Variants in TEX11 observed in about 807,000 individuals in gnomAD.
TEX11 encodes testis expressed 11, also known as testis-expressed protein 11.
Under a neutral mutation model 84.4 loss-of-function variants are expected in TEX11, and 7 were observed. The observed-to-expected ratio is 0.08, with a 90% CI of 0.05 to 0.16. TEX11 has a LOEUF of 0.16. TEX11 is among the 10% of genes least tolerant of loss of function. The pLI is 1.00. For synonymous variants in TEX11, 264 were observed against 222.8 expected, an observed-to-expected ratio of 1.18 and a Z score of -1.64; for missense variants, 551 against 660.5, an observed-to-expected ratio of 0.83 and a Z score of 1.82.
chrX:70,843,506 T>C (rs2091460045), intron 7 of TEX11, among the ~76,000 whole-genome samples: 1 of 111,778 alleles, frequency 8.9e-6, no homozygotes, highest in East Asian at 2.8e-4. Context: ...ATAAAACCCC[T>C]AGAAGAAAAC....
chrX:70,750,931 AAAATAT>A (rs1236263000), intron 9 of TEX11, among the ~76,000 whole-genome samples: 12 of 21,993 alleles, frequency 5.5e-4, no homozygotes, highest in Non-Finnish European at 1.0e-3. Flanking sequence ...TAAAAAAAAA[AAAATAT>A]ATATATATAT....
intron 28 of TEX11, among the ~76,000 whole-genome samples, chrX:70,530,829 C>T (rs2087877985): frequency 9.0e-6 from 1 of 111,673 alleles, no homozygotes. Context: ...AACTTTTATC[C>T]TAAAGGTTGT....
intron 25 of TEX11, among the ~76,000 whole-genome samples, chrX:70,573,830 T>C (rs1340033858): frequency 2.7e-5 from 3 of 111,756 alleles, no homozygotes; most frequent in Admixed American, 1.9e-4. Context: ...AAATATGTAA[T>C]ATATAATACA....
intron 9 of TEX11, among the ~76,000 whole-genome samples, chrX:70,806,072 AG>A (rs2091217322): frequency 8.9e-6 from 1 of 112,247 alleles, no homozygotes; most frequent in African/African-American, 3.2e-5. Context: ...GACAACAATA[AG>A]TATCAAAGCA....
chrX:70,597,012 C>T (rs749676591), intron 24 of TEX11, among the ~76,000 whole-genome samples: 28 of 111,755 alleles, frequency 2.5e-4, no homozygotes, highest in Non-Finnish European at 4.5e-4. Flanking sequence ...AATTCTATAA[C>T]TTAGATGTAA....
intron 8 of TEX11, among the ~76,000 whole-genome samples, chrX:70,810,946 G>A (rs189662900): frequency 1.5e-3 from 171 of 111,630 alleles, no homozygotes; most frequent in Middle Eastern, 4.7e-3. Context: ...TCCATATACC[G>A]TAGATATTTA....
chrX:70,893,751 C>T (rs1413228073), intron 2 of TEX11, among the ~76,000 whole-genome samples: 5 of 111,269 alleles, frequency 4.5e-5, no homozygotes, highest in African/African-American at 1.6e-4. Flanking sequence ...GAGATAGAGA[C>T]ACAAAAAACC....
At chrX:70,796,825 A>G (rs1459580514) in intron 9 of TEX11, among the ~76,000 whole-genome samples, 4 of 112,494 alleles carry the variant, frequency 3.6e-5, no homozygotes, top group African/African-American at 1.3e-4. Flanking sequence ...AATTCTCAAA[A>G]GAAGACATAC....
At chrX:70,516,740 T>C in the TEX11 span, among the ~76,000 whole-genome samples, 1 of 110,790 alleles carries the variant, frequency 9.0e-6, no homozygotes, top group African/African-American at 3.3e-5. Context: ...ATATTGATTC[T>C]TCCTACCCAT....
At chrX:70,544,425 G>T (rs745809955) in intron 28 of TEX11, among the ~76,000 whole-genome samples, 1 of 110,554 alleles carries the variant, frequency 9.0e-6, no homozygotes, top group African/African-American at 3.3e-5. Context: ...TACTCAGGAG[G>T]CTGAGGTGGG....
At chrX:70,566,789 T>C (rs1484910913) in intron 25 of TEX11, among the ~76,000 whole-genome samples, 6 of 111,962 alleles carry the variant, frequency 5.4e-5, no homozygotes, top group Admixed American at 1.9e-4. Flanking sequence ...TTTGATGTGC[T>C]ACTGGATTCG....
chrX:70,840,165 G>A (rs1379471490), intron 7 of TEX11, among the ~76,000 whole-genome samples: 3 of 111,209 alleles, frequency 2.7e-5, no homozygotes, highest in Non-Finnish European at 3.8e-5. Context: ...GCAAGTCCAA[G>A]ACACATAATT....
rs765719094 is a variant in TEX11, at chrX:70,853,024, C to T, written c.525+10G>A. ...CCCCACTGGAAGACCCTGGTGCCCACGATACCTACTGACTCTGCTTGGTAA... is the reference window on the plus strand; with the variant it reads ...CCCCACTGGAAGACCCTGGTGCCCATGATACCTACTGACTCTGCTTGGTAA... On this transcript the variant is annotated intron_variant, in intron 7 of 29. Coordinates refer to ENST00000374333, the MANE Select transcript of TEX11 (RefSeq NM_031276.3). The T allele has an allele frequency of 2.0e-5, 24 of 1,205,287 alleles. No individual in the cohort carries two copies. The South Asian group carries it at 2.5e-4, about 13-fold the overall frequency.
At chrX:70,882,045 GAAAA>G (rs1338821852) in intron 2 of TEX11, among the ~76,000 whole-genome samples, 1 of 96,071 alleles carries the variant, frequency 1.0e-5, no homozygotes, top group East Asian at 3.2e-4. Flanking sequence ...AAAAAAAAAA[GAAAA>G]AGAAAAAAGA....
chrX:70,575,377 G>C (rs12559269), intron 25 of TEX11, among the ~76,000 whole-genome samples: 8,750 of 111,642 alleles, frequency 0.078, 422 homozygotes, highest in Admixed American at 0.25. Flanking sequence ...CAATGTGATA[G>C]GATAAGAGGT....
chrX:70,668,865 C>T (rs1354637217), intron 16 of TEX11, among the ~76,000 whole-genome samples: 1 of 111,601 alleles, frequency 9.0e-6, no homozygotes, highest in Non-Finnish European at 1.9e-5. Context: ...TATCCTGGCC[C>T]CTTTAGTTGT....
rs55903537 is a variant in TEX11 at position 70,851,666 on chromosome X, TACAC to T, written c.525+1364_525+1367del. Among the ~76,000 whole-genome samples the T allele has an allele frequency of 8.8e-4, 81 of 92,006 alleles. 1 individual carries two copies. Among genetic ancestry groups the T allele is most frequent in the East Asian group, 3.6e-3 (10 of 2,807 alleles). 79.9% of individuals were successfully genotyped at this position (92,006 alleles called of 115,157 possible). A position where few individuals can be genotyped will look rare whatever the true frequency, so the allele number is the denominator to read the frequency against. ...TATATACCAAAGAAAATTAAAAACA[TACAC>T]ACACACACACACACACACACACACA... On this transcript the variant is annotated intron_variant, in intron 7 of 29. Coordinates refer to ENST00000374333, the MANE Select transcript of TEX11 (RefSeq NM_031276.3).
intron 8 of TEX11, among the ~76,000 whole-genome samples, chrX:70,814,937 G>A (rs774326345): frequency 2.7e-5 from 3 of 112,398 alleles, no homozygotes; most frequent in African/African-American, 9.7e-5. Flanking sequence ...GCTGCTCCCA[G>A]AGAATTTTAT....
chrX:70,575,058 A>G (rs1192392040), intron 25 of TEX11, among the ~76,000 whole-genome samples: 2 of 111,371 alleles, frequency 1.8e-5, no homozygotes, highest in Non-Finnish European at 3.8e-5. Context: ...GATTATGGTA[A>G]GGACTTGGGA....
Sources: gnomAD v4.1 joint callset for allele counts (sites outside exome capture counted in the v4.1 genomes callset) on GRCh38, gnomAD v4.1.1 for gene constraint, MANE v1.5 for transcripts, NCBI Gene and HGNC (gene_info 2026-07-23, HGNC 2026-07-21) for gene names.